The following TSC22D1 variants were observed in gnomAD, a reference collection of about 807,000 sequenced individuals.
TSC22D1 encodes TSC22 domain family protein 1.
Under a neutral mutation model 74.2 loss-of-function variants are expected in TSC22D1, and 9 were observed. The observed-to-expected ratio is 0.12, with a 90% CI of 0.07 to 0.21. The LOEUF is 0.21. Among genes scored for constraint, TSC22D1 ranks in the 10% least tolerant of loss-of-function variants. The pLI, the probability that TSC22D1 is intolerant of heterozygous loss-of-function variation, is 1.00. For synonymous variants in TSC22D1, 586 were observed against 492.5 expected (o/e 1.19, Z -2.51); for missense variants, 1,427 against 1,304.7 (o/e 1.09, Z -1.44).
chr13:44,454,204 AG>A (rs1876377139), intron 1 of TSC22D1, among the ~76,000 whole-genome samples: 1 of 152,104 alleles, frequency 6.6e-6, no homozygotes, highest in Non-Finnish European at 1.5e-5. Context: ...AGATTGGGGG[AG>A]GGGGACAGCA....
intron 1 of TSC22D1, among the ~76,000 whole-genome samples, chr13:44,522,985 C>CT (rs766029960): frequency 1.3e-5 from 2 of 150,358 alleles, no homozygotes; most frequent in Non-Finnish European, 3.0e-5. Flanking sequence ...AAGAAAAAAT[C>CT]TTAAAAAAGA....
At chr13:44,473,200 C>T (rs1347450908) in intron 1 of TSC22D1, among the ~76,000 whole-genome samples, 2 of 152,108 alleles carry the variant, frequency 1.3e-5, no homozygotes, top group African/African-American at 2.4e-5. Context: ...TCATTTAAAA[C>T]TATACAACTG....
intron 1 of TSC22D1, among the ~76,000 whole-genome samples, chr13:44,480,863 T>A (rs555065650): frequency 2.0e-5 from 3 of 152,354 alleles, no homozygotes; most frequent in Admixed American, 2.0e-4. Flanking sequence ...GAAGCTTTCA[T>A]GTGTAACAGG....
At chr13:44,446,425 C>T (rs1875647732) in intron 1 of TSC22D1, among the ~76,000 whole-genome samples, 1 of 151,734 alleles carries the variant, frequency 6.6e-6, no homozygotes, top group African/African-American at 2.4e-5. Context: ...TGGTGTTATG[C>T]CCACTGTTTT....
At chr13:44,456,006 G>A (rs533821140) in intron 1 of TSC22D1, among the ~76,000 whole-genome samples, 1 of 152,280 alleles carries the variant, frequency 6.6e-6, no homozygotes, top group South Asian at 2.1e-4. Context: ...ACAAGGTGCA[G>A]ACAACATAAG....
chr13:44,477,454 T>C (rs1465563734), intron 1 of TSC22D1, among the ~76,000 whole-genome samples: 4 of 152,068 alleles, frequency 2.6e-5, no homozygotes, highest in Non-Finnish European at 2.9e-5. Flanking sequence ...TATATAATAA[T>C]GGCTCCCTTT....
At chr13:44,449,063 C>T (rs940475361) in intron 1 of TSC22D1, among the ~76,000 whole-genome samples, 3 of 152,204 alleles carry the variant, frequency 2.0e-5, no homozygotes, top group African/African-American at 7.2e-5. Context: ...CAGCCAGAGA[C>T]CCATGCTGCA....
chr13:44,560,793 A>G (rs1468100615), intron 1 of TSC22D1, among the ~76,000 whole-genome samples: 4 of 152,238 alleles, frequency 2.6e-5, no homozygotes, highest in African/African-American at 9.6e-5. Flanking sequence ...CCTTAAAACA[A>G]TATAACGAAC....
At chr13:44,517,066 G>C (rs997052500) in intron 1 of TSC22D1, among the ~76,000 whole-genome samples, 1 of 152,108 alleles carries the variant, frequency 6.6e-6, no homozygotes, top group Admixed American at 6.5e-5. Flanking sequence ...TCAATGAAAG[G>C]TTTACACAGA....
chr13:44,532,363 A>G (rs1880890359), intron 1 of TSC22D1, among the ~76,000 whole-genome samples: 1 of 152,238 alleles, frequency 6.6e-6, no homozygotes, highest in Admixed American at 6.5e-5. Context: ...TGAGTATTCC[A>G]GGCCAAAGGT....
chr13:44,481,871 T>C (rs1432467353), intron 1 of TSC22D1, among the ~76,000 whole-genome samples: 1 of 152,200 alleles, frequency 6.6e-6, no homozygotes, highest in Admixed American at 6.5e-5. Flanking sequence ...TATTCCTCCT[T>C]TGAATTAAAA....
At chr13:44,489,206 CAAAAAA>C (rs34867283) in intron 1 of TSC22D1, among the ~76,000 whole-genome samples, 1 of 134,690 alleles carries the variant, frequency 7.4e-6, no homozygotes, top group Admixed American at 7.3e-5. Context: ...TCATTTCATG[CAAAAAA>C]AAAAAAAAAA....
At chr13:44,446,008 C>T (rs1470047887) in intron 1 of TSC22D1, among the ~76,000 whole-genome samples, 1 of 152,126 alleles carries the variant, frequency 6.6e-6, no homozygotes, top group Non-Finnish European at 1.5e-5. Context: ...TCCATAAAAA[C>T]CAGTAATCCC....
At chr13:44,435,906 T>A in intron 2 of TSC22D1, 138 bp downstream of exon 2, 1 of 945,720 alleles carries the variant, frequency 1.1e-6, no homozygotes, top group Non-Finnish European at 1.7e-6. Context: ...GCTGGCCGAA[T>A]GGAGACAGCG....
chr13:44,470,956 A>G (rs772799873), intron 1 of TSC22D1, among the ~76,000 whole-genome samples: 2 of 152,222 alleles, frequency 1.3e-5, no homozygotes, highest in Non-Finnish European at 2.9e-5. Flanking sequence ...TGGCTCACTG[A>G]CAACAGATAA....
chr13:44,539,215 T>C, intron 1 of TSC22D1: 1 of 985,236 alleles, frequency 1.0e-6, no homozygotes, highest in Non-Finnish European at 1.2e-6. Context: ...CATTCATACT[T>C]ATGTTTTATT....
At chr13:44,576,370 G>A, upstream of TSC22D1, 1 of 344,442 alleles carries the variant, frequency 2.9e-6, no homozygotes, top group Non-Finnish European at 5.3e-6. Flanking sequence ...TCTGCTTCAC[G>A]TGGGGTGCGG....
intron 1 of TSC22D1, among the ~76,000 whole-genome samples, chr13:44,498,299 AAAACAAAC>A (rs146164939): frequency 6.0e-5 from 9 of 150,568 alleles, no homozygotes; most frequent in Admixed American, 1.3e-4. Context: ...TTCTGCCTCA[AAAACAAAC>A]AAACAAACAA....
At chr13:44,444,309 GAAAAGAAAAGA>G (rs758611082) in intron 1 of TSC22D1, among the ~76,000 whole-genome samples, 2,533 of 69,602 alleles carry the variant, frequency 0.036, 32 homozygotes, top group Non-Finnish European at 0.048. Flanking sequence ...AAAAAAAAAA[GAAAAGAAAAGA>G]AAAAGAAAAA....
Sources: gnomAD v4.1 joint callset for allele counts (sites outside exome capture counted in the v4.1 genomes callset) on GRCh38, gnomAD v4.1.1 for gene constraint, MANE v1.5 for transcripts, NCBI Gene and HGNC (gene_info 2026-07-23, HGNC 2026-07-21) for gene names.